MARCHF1: variants seen among roughly 807,000 people sequenced by gnomAD.
MARCHF1 encodes membrane associated ring-CH-type finger 1.
Under a neutral mutation model 54.2 loss-of-function variants are expected in MARCHF1, and 40 were observed. The ratio of observed to expected loss-of-function variants is 0.74; its 90% confidence interval spans 0.57 to 0.96. MARCHF1 has a LOEUF of 0.96. Among genes scored for constraint, MARCHF1 ranks in the 40% least tolerant of loss-of-function variants. The pLI is 0.00. For synonymous variants in MARCHF1, 236 were observed against 236.3 expected (o/e 1.00, Z 0.01); for missense variants, 586 against 656.5 (o/e 0.89, Z 1.17).
chr4:164,176,960 CTCTCTCTCTCTCTCTCTCTCTATA>C (rs1349733120), intron 1 of MARCHF1, among the ~76,000 whole-genome samples: 11 of 47,844 alleles, frequency 2.3e-4, no homozygotes, highest in African/African-American at 1.0e-3. Context: ...CTCTCTCTCT[CTCTCTCTCTCTCTCTCTCTCTATA>C]TATATATATA....
At chr4:163,846,078 C>A (rs1749477277) in intron 4 of MARCHF1, among the ~76,000 whole-genome samples, 1 of 152,152 alleles carries the variant, frequency 6.6e-6, no homozygotes, top group Non-Finnish European at 1.5e-5. Context: ...AGATTTCATT[C>A]ACCATTACCT....
At chr4:164,038,120 A>G (rs141141394) in intron 2 of MARCHF1, among the ~76,000 whole-genome samples, 2 of 152,292 alleles carry the variant, frequency 1.3e-5, no homozygotes, top group African/African-American at 4.8e-5. Flanking sequence ...ATATGTTACA[A>G]TTAGAGAAAT....
At chr4:163,826,681 A>G (rs1748856297) in intron 4 of MARCHF1, among the ~76,000 whole-genome samples, 1 of 152,104 alleles carries the variant, frequency 6.6e-6, no homozygotes, top group Non-Finnish European at 1.5e-5. Context: ...TTAAATGATT[A>G]TAAAATATGA....
chr4:164,275,722 T>C (rs1223172048), intron 1 of MARCHF1, among the ~76,000 whole-genome samples: 1 of 152,208 alleles, frequency 6.6e-6, no homozygotes, highest in Non-Finnish European at 1.5e-5. Context: ...GATGAAGCAG[T>C]GAATCATTGA....
At chr4:164,329,504 T>C (rs187868062) in intron 1 of MARCHF1, among the ~76,000 whole-genome samples, 2 of 152,360 alleles carry the variant, frequency 1.3e-5, no homozygotes, top group East Asian at 1.9e-4. Flanking sequence ...CATCTACTGA[T>C]TGTATTTCCA....
chr4:163,733,199 A>ATATATACATACACATG (rs1554008829), intron 4 of MARCHF1, among the ~76,000 whole-genome samples: 18 of 39,884 alleles, frequency 4.5e-4, no homozygotes, highest in African/African-American at 1.2e-3. Context: ...ATATATATAT[A>ATATATACATACACATG]TATATATATA....
chr4:164,217,587 T>G (rs1239618729), intron 1 of MARCHF1, among the ~76,000 whole-genome samples: 1 of 152,188 alleles, frequency 6.6e-6, no homozygotes, highest in Non-Finnish European at 1.5e-5. Flanking sequence ...ACAAATGACT[T>G]ATGTTATGAC....
chr4:163,832,195 A>G (rs916714962), intron 4 of MARCHF1, among the ~76,000 whole-genome samples: 43 of 152,340 alleles, frequency 2.8e-4, no homozygotes, highest in South Asian at 4.1e-4. Context: ...AATTGGGGAA[A>G]ACAGACAAAT....
At chr4:163,931,302 C>T (rs1004892678) in intron 3 of MARCHF1, among the ~76,000 whole-genome samples, 1 of 152,114 alleles carries the variant, frequency 6.6e-6, no homozygotes, top group East Asian at 1.9e-4. Context: ...GTAATATTAA[C>T]ATTTAAATTG....
Position 163,605,382 on chromosome 4 carries a change from C to T in MARCHF1, c.1010+6889G>A, listed in dbSNP as rs948028935. 4.1e-4 allele frequency among the ~76,000 whole-genome samples: 62 copies of T among 152,130 alleles called. 1 individual carries two copies. Among genetic ancestry groups the T allele is most frequent in the Non-Finnish European group, 6.5e-4 (44 of 67,968 alleles). ...TACCATCTCACACCAGTTAGAATGG[C>T]GATCATTAACAATTCAGGAAACAAC... On this transcript the variant is annotated intron_variant, in intron 7 of 9. Transcript: ENST00000514618.
chr4:164,161,006 G>C (rs1479869693), intron 1 of MARCHF1, among the ~76,000 whole-genome samples: 2 of 152,112 alleles, frequency 1.3e-5, no homozygotes, highest in African/African-American at 4.8e-5. Flanking sequence ...TGGCTGACAA[G>C]GTATATTAAG....
chr4:164,000,348 T>C (rs1455492069), intron 2 of MARCHF1, among the ~76,000 whole-genome samples: 1 of 151,796 alleles, frequency 6.6e-6, no homozygotes, highest in Non-Finnish European at 1.5e-5. Flanking sequence ...AGCAAGACAT[T>C]ATTTCTTGAA....
intron 8 of MARCHF1, among the ~76,000 whole-genome samples, chr4:163,559,170 ATG>A (rs1475237718): frequency 2.6e-5 from 4 of 152,112 alleles, no homozygotes; most frequent in Non-Finnish European, 5.9e-5. Flanking sequence ...TATTAATTGC[ATG>A]TTCATTGTAG....
chr4:164,238,397 C>A (rs1732629809), intron 1 of MARCHF1, among the ~76,000 whole-genome samples: 2 of 152,050 alleles, frequency 1.3e-5, no homozygotes, highest in African/African-American at 4.8e-5. Context: ...CCAGATTTTG[C>A]ATACCAAATA....
chr4:163,930,243 AAT>A (rs2111391086), intron 3 of MARCHF1, among the ~76,000 whole-genome samples: 1 of 151,480 alleles, frequency 6.6e-6, no homozygotes, highest in East Asian at 1.9e-4. Context: ...GGAAAACAAA[AAT>A]AAAGACACTG....
chr4:163,906,833 TC>T (rs67008142), intron 3 of MARCHF1, among the ~76,000 whole-genome samples: 137,717 of 151,602 alleles, frequency 0.91, 63,402 homozygotes, highest in Non-Finnish European at 0.99. Context: ...TATACACCCC[TC>T]CCCCCCCACA....
At chr4:164,156,949 G>A (rs568124258) in intron 1 of MARCHF1, among the ~76,000 whole-genome samples, 230 of 152,168 alleles carry the variant, frequency 1.5e-3, no homozygotes, top group Middle Eastern at 6.8e-3. Context: ...TTGTTCATGC[G>A]TTAAAGAACT....
At chr4:163,986,238 A>T in intron 3 of MARCHF1, among the ~76,000 whole-genome samples, 2 of 95,468 alleles carry the variant, frequency 2.1e-5, no homozygotes, top group African/African-American at 7.2e-5. Flanking sequence ...TTTTCTCCTA[A>T]TTAACCTCTT....
chr4:163,988,876 G>A (rs1752918862), intron 2 of MARCHF1, 167 bp from the exon 3 acceptor site: 1 of 152,166 alleles, frequency 6.6e-6, no homozygotes, highest in Non-Finnish European at 1.5e-5. Context: ...AGTCATAATT[G>A]AACTGCTTTG....
Sources: gnomAD v4.1 joint callset for allele counts (sites outside exome capture counted in the v4.1 genomes callset) on GRCh38, gnomAD v4.1.1 for gene constraint, MANE v1.5 for transcripts, NCBI Gene and HGNC (gene_info 2026-07-23, HGNC 2026-07-21) for gene names.